PCDHA6: variants seen among roughly 807,000 people sequenced by gnomAD.
The protein encoded by PCDHA6 is protocadherin alpha 6.
In PCDHA6, 55 loss-of-function variants were observed where a neutral mutation model predicts 60.3. The observed-to-expected ratio is 0.91, with a 90% confidence interval of 0.73 to 1.14. The LOEUF (loss-of-function observed/expected upper bound fraction) is 1.14. Among genes scored for constraint, PCDHA6 ranks in the 50% most tolerant of loss-of-function variants. The probability of loss-of-function intolerance (pLI) is 0.00; values close to 1 mark genes in which losing one functional copy is unlikely to be tolerated. For synonymous variants in PCDHA6, 652 were observed against 557.9 expected, an observed-to-expected ratio of 1.17 and a Z score of -2.38; for missense variants, 1,327 against 1,256.5, an observed-to-expected ratio of 1.06 and a Z score of -0.85.
chr5:140,847,561 C>T (rs2150401906), intron 1 of PCDHA6: 1 of 148,992 alleles, frequency 6.7e-6, no homozygotes, highest in Non-Finnish European at 1.5e-5. Flanking sequence ...CAGAAATTGC[C>T]CCGAGTACTA....
At chr5:140,992,186 A>G (rs1436291226) in intron 3 of PCDHA6, among the ~76,000 whole-genome samples, 1 of 152,166 alleles carries the variant, frequency 6.6e-6, no homozygotes, top group East Asian at 1.9e-4. Context: ...TCATGCTTTC[A>G]GTGATCTATC....
chr5:140,891,755 G>C (rs1489884923), intron 1 of PCDHA6, among the ~76,000 whole-genome samples: 2 of 152,114 alleles, frequency 1.3e-5, no homozygotes, highest in Non-Finnish European at 2.9e-5. Flanking sequence ...CAACAGTGTT[G>C]GGAGGTGGGG....
intron 1 of PCDHA6, among the ~76,000 whole-genome samples, chr5:140,976,253 T>G (rs1554237440): frequency 6.6e-6 from 1 of 152,124 alleles, no homozygotes; most frequent in Non-Finnish European, 1.5e-5. Context: ...TAAATTTATT[T>G]AAAACACAGA....
At chr5:140,918,548 A>G (rs1360159345) in intron 1 of PCDHA6, among the ~76,000 whole-genome samples, 3 of 152,192 alleles carry the variant, frequency 2.0e-5, no homozygotes, top group Non-Finnish European at 4.4e-5. Context: ...TCCATGTGCA[A>G]TTGAGAAGAA....
intron 3 of PCDHA6, among the ~76,000 whole-genome samples, chr5:140,987,234 A>G (rs2097240958): frequency 6.6e-6 from 1 of 151,980 alleles, no homozygotes; most frequent in Non-Finnish European, 1.5e-5. Context: ...AAAATAATAA[A>G]TAAAGAAAGA....
At chr5:141,006,188 A>C (rs1319299509) in intron 3 of PCDHA6, among the ~76,000 whole-genome samples, 2 of 150,182 alleles carry the variant, frequency 1.3e-5, no homozygotes, top group Admixed American at 6.7e-5. Flanking sequence ...AGAGTTTGCT[A>C]TATGTATGTT....
intron 1 of PCDHA6, among the ~76,000 whole-genome samples, chr5:140,896,209 T>C (rs1489640114): frequency 6.6e-6 from 1 of 152,238 alleles, no homozygotes; most frequent in African/African-American, 2.4e-5. Context: ...AACATACACA[T>C]ACATGTGTCT....
Position 140,828,129 on chromosome 5 carries a change from G to A in PCDHA6, c.38G>A (p.Cys13Tyr), listed in dbSNP as rs2150151215. 3.7e-6 allele frequency: 6 copies of A among 1,613,446 alleles called. No individual in the cohort carries two copies. Among genetic ancestry groups the A allele is most frequent in the Non-Finnish European group, 5.1e-6 (6 of 1,179,648 alleles). Residue 13 changes from cysteine to tyrosine, a missense_variant, in exon 1 of 4, where the codon TGT becomes TAT. Physicochemically the swap from Cys to Tyr is radical, Grantham distance 194 (BLOSUM62 -2). Coordinates refer to ENST00000529310, the MANE Select transcript of PCDHA6 (RefSeq NM_018909.4). ...FTPEDRLGKQCLLLPLLLLAA... is the reference protein window; with the variant it reads ...FTPEDRLGKQYLLLPLLLLAA... Reference sequence around the variant, plus strand: ...CCGGAGGATAGATTGGGAAAGCAATGTCTGCTCCTCCCGCTTCTGCTCCTC... The same window carrying A: ...CCGGAGGATAGATTGGGAAAGCAATATCTGCTCCTCCCGCTTCTGCTCCTC...
chr5:140,876,118 G>T, intron 1 of PCDHA6: 1 of 1,613,926 alleles, frequency 6.2e-7, no homozygotes, highest in South Asian at 1.1e-5. Context: ...GATGGTAATC[G>T]ATGGCGGTAA....
intron 1 of PCDHA6, among the ~76,000 whole-genome samples, chr5:140,936,341 A>G (rs954946684): frequency 7.2e-5 from 11 of 152,172 alleles, no homozygotes; most frequent in African/African-American, 2.7e-4. Flanking sequence ...CTCTATCTGC[A>G]TATATGGAAT....
At chr5:140,938,218 T>A (rs1050033125) in intron 1 of PCDHA6, among the ~76,000 whole-genome samples, 3 of 152,210 alleles carry the variant, frequency 2.0e-5, no homozygotes, top group Admixed American at 2.0e-4. Context: ...AGTGCTGGGA[T>A]TACAGGCATA....
Position 140,892,511 on chromosome 5 carries a change from C to T in PCDHA6, c.2394+62026C>T, listed in dbSNP as rs115588708. Among the ~76,000 whole-genome samples the T allele has an allele frequency of 8.0e-3, 1,214 of 152,282 alleles. 6 individuals carry two copies. Among genetic ancestry groups the T allele is most frequent in the African/African-American group, 0.019 (784 of 41,558 alleles). On this transcript the variant is annotated intron_variant, in intron 1 of 3. Coordinates refer to ENST00000529310, the MANE Select transcript of PCDHA6 (RefSeq NM_018909.4). ...TGAGAGATTGTTTAAGAAGTTCCAC[C>T]ATGACTGGTAGACTCAGGATTCTGA...
chr5:140,896,113 T>A (rs10053583), intron 1 of PCDHA6, among the ~76,000 whole-genome samples: 2,120 of 152,286 alleles, frequency 0.014, 43 homozygotes, highest in African/African-American at 0.049. Flanking sequence ...GCCTGGCCAA[T>A]GTACTGCATT....
intron 1 of PCDHA6, chr5:140,835,489 T>A: frequency 1.2e-6 from 2 of 1,613,950 alleles, no homozygotes; most frequent in Non-Finnish European, 1.7e-6. Context: ...GGTACCGTCA[T>A]CACATTGATT....
chr5:140,850,221 G>T (rs2041438830), intron 1 of PCDHA6: 1 of 1,593,734 alleles, frequency 6.3e-7, no homozygotes, highest in Non-Finnish European at 8.6e-7. Context: ...CACTGACGGC[G>T]CAGTGAGCGA....
chr5:140,986,758 G>A (rs1242772553), intron 3 of PCDHA6, among the ~76,000 whole-genome samples: 1 of 152,194 alleles, frequency 6.6e-6, no homozygotes, highest in Non-Finnish European at 1.5e-5. Context: ...ACTAAACAGT[G>A]AAAGATTAAT....
intron 1 of PCDHA6, chr5:140,967,079 A>T: frequency 1.2e-6 from 2 of 1,613,252 alleles, no homozygotes; most frequent in South Asian, 2.2e-5. Flanking sequence ...CAACGAGCGC[A>T]TTGATCGGGA....
chr5:140,878,627 T>C (rs2057676475), intron 1 of PCDHA6, among the ~76,000 whole-genome samples: 1 of 152,236 alleles, frequency 6.6e-6, no homozygotes, highest in Non-Finnish European at 1.5e-5. Flanking sequence ...TTACATATTT[T>C]AACTTTCTAT....
intron 1 of PCDHA6, among the ~76,000 whole-genome samples, chr5:140,897,778 TG>T (rs1385536315): frequency 6.6e-6 from 1 of 152,208 alleles, no homozygotes; most frequent in Non-Finnish European, 1.5e-5. Flanking sequence ...ACTTCCACAA[TG>T]GTTGAACTAG....
Sources: allele counts gnomAD v4.1 joint callset (sites outside exome capture counted in the v4.1 genomes callset), GRCh38; gene constraint gnomAD v4.1.1; transcripts MANE v1.5; gene names NCBI Gene and HGNC (gene_info 2026-07-23, HGNC 2026-07-21).